The following LARP7 variants were observed in gnomAD, a reference collection of about 807,000 sequenced individuals.
LARP7 encodes the protein La ribonucleoprotein 7, transcriptional regulator.
In LARP7, 52 loss-of-function variants were observed where a neutral mutation model predicts 69.3. The observed-to-expected ratio is 0.75, with a 90% CI of 0.60 to 0.95. The LOEUF is 0.95. LARP7 is among the 40% of genes least tolerant of loss of function. LARP7 has a pLI of 0.00. For synonymous variants in LARP7, 254 were observed against 215.9 expected (o/e 1.18, Z -1.55); for missense variants, 733 against 673.0 (o/e 1.09, Z -0.99).
chr4:112,646,654 G>C lies in LARP7; in HGVS notation c.370G>C (p.Glu124Gln). 2 of 1,606,396 alleles carry C rather than the reference G, an allele frequency of 1.2e-6. No homozygotes were observed. Among genetic ancestry groups the C allele is most frequent in the Non-Finnish European group, 1.7e-6 (2 of 1,176,062 alleles). The change falls in exon 4 of 13, where the codon GAA becomes CAA. Residue 124 changes from glutamate to glutamine, a missense_variant. Transcript: ENST00000344442. The stretch of plus-strand genomic sequence containing the variant: ...GGGGGAAAGACCAAAGGATGAGGAT[G>C]AACGCACAGTGTATGTGGTAAGCTT... ...PLGERPKDED[E>Q]RTVYVELLPK...
chr4:112,640,937 TG>T (rs1379728450), intron 1 of LARP7, among the ~76,000 whole-genome samples: 1 of 152,170 alleles, frequency 6.6e-6, no homozygotes, highest in African/African-American at 2.4e-5. Flanking sequence ...GCAAAGGCCC[TG>T]AAGTGGGAAT....
At chr4:112,647,004 T>C (rs746163154) in intron 5 of LARP7, 30 bp from the exon 6 acceptor site, 10 of 1,584,068 alleles carry the variant, frequency 6.3e-6, no homozygotes, top group East Asian at 2.2e-5. Flanking sequence ...AAAACAAGTA[T>C]TAAAATAGTA....
intron 2 of LARP7, among the ~76,000 whole-genome samples, 198 bp downstream of exon 2, chr4:112,645,069 C>T (rs2149257450): frequency 6.7e-6 from 1 of 149,326 alleles, no homozygotes; most frequent in Admixed American, 6.8e-5. Flanking sequence ...GCCTCAGCCT[C>T]CCGAGTAGGT....
At chr4:112,656,430 C>A (rs2048957782) in intron 12 of LARP7, among the ~76,000 whole-genome samples, 2 of 152,026 alleles carry the variant, frequency 1.3e-5, no homozygotes, top group South Asian at 4.1e-4. Context: ...ATATTAAACA[C>A]AAGTAAATTA....
intron 8 of LARP7, among the ~76,000 whole-genome samples, chr4:112,648,945 AAAAG>A (rs1284525510): frequency 6.6e-6 from 1 of 151,542 alleles, no homozygotes; most frequent in Non-Finnish European, 1.5e-5. Context: ...AAGAAAAAGA[AAAAG>A]AAAATCTCCT....
At chr4:112,655,067 C>G (rs1449174995) in intron 12 of LARP7, among the ~76,000 whole-genome samples, 2 of 151,534 alleles carry the variant, frequency 1.3e-5, no homozygotes, top group Non-Finnish European at 2.9e-5. Context: ...TACCATTGCC[C>G]AGAATTTATC....
chr4:112,648,443 ATG>A, intron 8 of LARP7: 1 of 534,450 alleles, frequency 1.9e-6, no homozygotes, highest in African/African-American at 1.9e-5. Context: ...ATCCCTTCAA[ATG>A]AGGTTAGCGT....
At chr4:112,653,919 T>C (rs912915026) in intron 11 of LARP7, 149 bp from the exon 12 acceptor site, 13 of 590,020 alleles carry the variant, frequency 2.2e-5, no homozygotes, top group Non-Finnish European at 3.8e-5. Context: ...AAACTAACTA[T>C]TTTTTTTCTA....
chr4:112,655,972 A>C (rs966736493), intron 12 of LARP7, among the ~76,000 whole-genome samples: 1 of 152,094 alleles, frequency 6.6e-6, no homozygotes, highest in South Asian at 2.1e-4. Context: ...AATTGCTTAG[A>C]AAAAAAACTA....
At chr4:112,638,989 G>T (rs1363266776) in intron 1 of LARP7, among the ~76,000 whole-genome samples, 2 of 152,112 alleles carry the variant, frequency 1.3e-5, no homozygotes, top group African/African-American at 4.8e-5. Context: ...TAAATTGCGG[G>T]AAATTCTACC....
At chr4:112,638,763 A>G (rs1221065622) in intron 1 of LARP7, among the ~76,000 whole-genome samples, 1 of 152,242 alleles carries the variant, frequency 6.6e-6, no homozygotes. Flanking sequence ...CTGACTGTGC[A>G]TTTCTCAGAA....
chr4:112,648,933 A>G (rs1358577799), intron 8 of LARP7, among the ~76,000 whole-genome samples: 1 of 150,958 alleles, frequency 6.6e-6, no homozygotes, highest in Non-Finnish European at 1.5e-5. Flanking sequence ...TTAAAAAAAA[A>G]AAAGAAAAAG....
chr4:112,645,730 C>T (rs548042567), intron 2 of LARP7: 1 of 403,570 alleles, frequency 2.5e-6, no homozygotes, highest in Non-Finnish European at 4.9e-6. Flanking sequence ...CCATGTTGCC[C>T]AGGCTGGTCT....
At position 112,647,533 on chromosome 4, in the gene LARP7, T is replaced by C. The variant is rs1242694276; in HGVS notation, c.981T>C (p.Ala327=). The change falls in exon 7 of 13, where the codon GCT becomes GCC. Residue 327 remains alanine, a synonymous_variant. Coordinates refer to ENST00000344442, the MANE Select transcript of LARP7 (RefSeq NM_016648.4). ...QKDIIKEASE[A]SKENRDIEIS... ...ACATCATTAAGGAAGCATCAGAAGC[T>C]TCCAAGGAAAATAGAGGTAAAACTA... 3.1e-6 allele frequency: 5 copies of C among 1,602,946 alleles called. No homozygotes were observed. The highest frequency in any genetic ancestry group is 4.3e-6 in the Non-Finnish European group (5 of 1,176,028).
rs1317103470 is a variant in LARP7 at position 112,648,415 on chromosome 4, C to T, written c.1142+581C>T. On this transcript the variant is annotated intron_variant, in intron 8 of 12. Transcript: ENST00000344442. ...TTTTGTTTCACACAGCAGGTACCCCCATGTTAAAGCAAAGGGGATCCCTTC... is the reference window on the plus strand; with the variant it reads ...TTTTGTTTCACACAGCAGGTACCCCTATGTTAAAGCAAAGGGGATCCCTTC... 3 of 534,456 alleles carry T rather than the reference C, an allele frequency of 5.6e-6. No individual in the cohort carries two copies. The African/African-American group carries it at 5.8e-5, about 10-fold the overall frequency. The allele number at this position is 534,456 out of a possible 1,614,324, so 33.1% of individuals were successfully genotyped here. A position where few individuals can be genotyped will look rare whatever the true frequency, so the allele number is the denominator to read the frequency against.
At chr4:112,637,718 A>G (rs75321673) in intron 1 of LARP7, 3,246 of 152,392 alleles carry the variant, frequency 0.021, 51 homozygotes, top group Non-Finnish European at 0.036. Context: ...TATGGTGTGC[A>G]GAGTGCGTTT....
At chr4:112,648,361 C>G (rs1560939563) in intron 8 of LARP7, 1 of 534,570 alleles carries the variant, frequency 1.9e-6, no homozygotes, top group Admixed American at 1.9e-5. Flanking sequence ...GGCTTGGAGA[C>G]ACCTCCACTG....
At chr4:112,651,517 T>G (rs556773310) in intron 10 of LARP7, among the ~76,000 whole-genome samples, 1 of 152,280 alleles carries the variant, frequency 6.6e-6, no homozygotes, top group East Asian at 1.9e-4. Flanking sequence ...TGCAAAACAT[T>G]TAATACAAAA....
chr4:112,653,969 A>C, intron 11 of LARP7, 99 bp from the exon 12 acceptor site: 1 of 833,216 alleles, frequency 1.2e-6, no homozygotes, highest in South Asian at 1.5e-5. Flanking sequence ...TATAATCAAA[A>C]ACTGTCCTAG....
Sources: gnomAD v4.1 joint callset for allele counts (sites outside exome capture counted in the v4.1 genomes callset) on GRCh38, gnomAD v4.1.1 for gene constraint, MANE v1.5 for transcripts, NCBI Gene and HGNC (gene_info 2026-07-23, HGNC 2026-07-21) for gene names.